SATB1: variants seen among roughly 807,000 people sequenced by gnomAD.
SATB1 encodes the protein SATB homeobox 1.
SATB1 carries 11 observed loss-of-function variants against 86.9 expected under a neutral mutation model. The ratio of observed to expected loss-of-function variants is 0.13; its 90% CI spans 0.08 to 0.21. The LOEUF is 0.21. Ranked by LOEUF, SATB1 falls within the 10% of genes least tolerant of loss-of-function variation. The pLI is 1.00. For synonymous variants in SATB1, 357 were observed against 357.2 expected (o/e 1.00, Z 0.01); for missense variants, 551 against 937.6 (o/e 0.59, Z 5.39).
At position 18,444,020 on chromosome 3, in the gene SATB1, C is replaced by T. The variant is rs770866027; in HGVS notation, c.-25+1498G>A. On this transcript the variant is annotated intron_variant, in intron 1 of 3. Transcript: ENST00000415069. The surrounding 1 kb of genome is among the most constrained non-coding windows in gnomAD (Gnocchi z 5.1). Reference sequence around the variant, plus strand: ...CCCGGGATGCAGAAGTTGCCACAAACTTCCCAGGCCCCTCTTCGCCGATGC... The same window carrying T: ...CCCGGGATGCAGAAGTTGCCACAAATTTCCCAGGCCCCTCTTCGCCGATGC... Among the ~76,000 whole-genome samples the T allele has an allele frequency of 5.3e-5, 8 of 152,308 alleles. No homozygotes were observed. In the East Asian group the frequency reaches 1.5e-3, roughly 30 times the overall value.
In SATB1 at chr3:18,352,371, G is replaced by A. The variant is rs2125129261; in HGVS notation, c.1576-176C>T. ...AGAGAGGTTATCTGTGGCTGTCAAG[G>A]AGGCAGACTCTGTTTCTAATCAAAG... On this transcript the variant is annotated intron_variant, in intron 9 of 10. Transcript: ENST00000338745. This position sits in a 1 kb window ranked among gnomAD's most constrained non-coding sequence, Gnocchi z 4.1. The A allele has an allele frequency of 3.4e-6, 2 of 584,936 alleles. No individual in the cohort carries two copies. Among genetic ancestry groups the A allele is most frequent in the East Asian group, 2.8e-5 (1 of 35,172 alleles). The allele number at this position is 584,936 out of a possible 1,614,324, so 36.2% of individuals were successfully genotyped here.
chr3:18,430,466 G>A (rs965407326), intron 2 of SATB1, among the ~76,000 whole-genome samples: 6 of 152,084 alleles, frequency 3.9e-5, no homozygotes, highest in South Asian at 2.1e-4. Flanking sequence ...GCTGCTTTCC[G>A]TGAACATTTA....
chr3:18,395,464 GTAGT>G (rs1340213691), intron 6 of SATB1, among the ~76,000 whole-genome samples: 2 of 152,282 alleles, frequency 1.3e-5, no homozygotes, highest in East Asian at 3.9e-4. Context: ...GTGAATAGAA[GTAGT>G]TAATGTAATA....
At position 18,362,870 on chromosome 3, in the gene SATB1, A is replaced by ACAAAC. The variant is rs796080070; in HGVS notation, c.1576-10676_1576-10675insGTTTG. On this transcript the variant is annotated intron_variant, in intron 9 of 10. Transcript: ENST00000338745. ...CATATATGCCATGTGCAAAAAAAAA[A>ACAAAC]AAAAAAAAAAACCAAAACCCCAAAT... 4.1e-3 allele frequency among the ~76,000 whole-genome samples: 578 copies of ACAAAC among 140,366 alleles called. 9 individuals are homozygous for ACAAAC. The highest frequency in any genetic ancestry group is 0.016 in the African/African-American group (552 of 34,026). 92.1% of individuals were successfully genotyped at this position (140,366 alleles called of 152,430 possible).
intron 5 of SATB1, among the ~76,000 whole-genome samples, chr3:18,410,440 C>G (rs1215654794): frequency 6.6e-6 from 1 of 152,010 alleles, no homozygotes; most frequent in Non-Finnish European, 1.5e-5. Context: ...GCCATGGACG[C>G]TCACTCATGT....
intron 2 of SATB1, among the ~76,000 whole-genome samples, chr3:18,431,284 CT>C (rs1380291830): frequency 6.6e-6 from 1 of 152,152 alleles, no homozygotes; most frequent in African/African-American, 2.4e-5. Flanking sequence ...TAACGTGCAG[CT>C]TGATTTCCCC....
chr3:18,350,881 T>G (rs1210678853), intron 10 of SATB1: 5 of 246,414 alleles, frequency 2.0e-5, no homozygotes, highest in African/African-American at 9.1e-5. Context: ...ATATAATTTT[T>G]CACAGAAATA....
At chr3:18,401,364 A>G (rs1697256556) in intron 5 of SATB1, among the ~76,000 whole-genome samples, 1 of 152,178 alleles carries the variant, frequency 6.6e-6, no homozygotes, top group Admixed American at 6.5e-5. Flanking sequence ...CATAGTTTCA[A>G]GAACCTTTGT....
chr3:18,377,147 T>G (rs1004632152), intron 9 of SATB1, among the ~76,000 whole-genome samples: 5 of 152,222 alleles, frequency 3.3e-5, no homozygotes, highest in Non-Finnish European at 5.9e-5. Flanking sequence ...AAAAGATTAT[T>G]ATGTTACAAA....
chr3:18,431,833 C>G (rs1477380998), intron 2 of SATB1, among the ~76,000 whole-genome samples: 1 of 152,160 alleles, frequency 6.6e-6, no homozygotes, highest in East Asian at 1.9e-4. Flanking sequence ...GCTACTGGAT[C>G]ATTGATTTGG....
chr3:18,391,041 A>G (rs1696636048), intron 7 of SATB1, among the ~76,000 whole-genome samples: 1 of 152,194 alleles, frequency 6.6e-6, no homozygotes, highest in Non-Finnish European at 1.5e-5. Context: ...ACCCATGCCC[A>G]TCAATTCAGA....
intron 8 of SATB1, among the ~76,000 whole-genome samples, chr3:18,384,863 C>G (rs12633143): frequency 1.3e-5 from 2 of 151,970 alleles, no homozygotes; most frequent in African/African-American, 4.8e-5. Flanking sequence ...TGTGTACATA[C>G]GTATATAGAT....
In SATB1 at chr3:18,345,514, AG is replaced by A. The variant is rs1694008373; in HGVS notation, c.*3655del. 6.6e-6 allele frequency: 1 copy of A among 152,152 alleles called. No homozygotes were observed. Among genetic ancestry groups the A allele is most frequent in the Non-Finnish European group, 1.5e-5 (1 of 67,982 alleles). The allele number at this position is 152,152 out of a possible 1,614,324, so 9.4% of individuals were successfully genotyped here. ...TTTTATCAAAAATGTGCATATTAAT[AG>A]ATTGTAGTTTAGCCTTTGTCAAAAG... On this transcript the variant is annotated 3_prime_UTR_variant, in exon 11 of 11. Transcript: ENST00000338745.
intron 2 of SATB1, 77 bp from the exon 3 acceptor site, chr3:18,417,155 T>C: frequency 7.0e-7 from 1 of 1,420,514 alleles, no homozygotes; most frequent in Admixed American, 1.9e-5. Flanking sequence ...CGGGAGGAAA[T>C]ATTAGCCATG....
intron 9 of SATB1, among the ~76,000 whole-genome samples, chr3:18,356,184 A>C (rs1232908681): frequency 6.6e-6 from 1 of 151,868 alleles, no homozygotes; most frequent in Non-Finnish European, 1.5e-5. Context: ...TACAACACAA[A>C]TCCTGCAAAG....
chr3:18,365,292 C>T (rs1695130706), intron 9 of SATB1, among the ~76,000 whole-genome samples: 1 of 152,130 alleles, frequency 6.6e-6, no homozygotes, highest in Non-Finnish European at 1.5e-5. Flanking sequence ...ATAAGATTAG[C>T]AGAGTATCCT....
chr3:18,367,503 A>G (rs1228442186), intron 9 of SATB1, among the ~76,000 whole-genome samples: 1 of 152,190 alleles, frequency 6.6e-6, no homozygotes, highest in East Asian at 1.9e-4. Context: ...AGTTTGTAAC[A>G]CTTCTATTGA....
At chr3:18,436,477 TGAGGATAGAACA>T (rs939179026) in intron 2 of SATB1, among the ~76,000 whole-genome samples, 20 of 129,440 alleles carry the variant, frequency 1.5e-4, no homozygotes, top group African/African-American at 3.0e-5. Context: ...GGTCAGACAA[TGAGGATAGAACA>T]GAGACCCAGG....
Position 18,386,826 on chromosome 3 carries a change from C to G in SATB1, c.1207-215G>C, listed in dbSNP as rs1696369847. On this transcript the variant is annotated intron_variant, in intron 7 of 10. Coordinates refer to ENST00000338745, the MANE Select transcript of SATB1 (RefSeq NM_002971.6). This position sits in a 1 kb window ranked among gnomAD's most constrained non-coding sequence, Gnocchi z 4.5. ...GCATCTGCTTTACATATAACATAAACTGAAACTGCCTAATTGGTCTCCTTC... is the reference window on the plus strand; with the variant it reads ...GCATCTGCTTTACATATAACATAAAGTGAAACTGCCTAATTGGTCTCCTTC... Among the ~76,000 whole-genome samples the G allele has an allele frequency of 6.6e-6, 1 of 152,188 alleles. No homozygotes were observed. The highest frequency in any genetic ancestry group is 2.1e-4 in the South Asian group (1 of 4,826).
Sources: gnomAD v4.1 joint callset for allele counts (sites outside exome capture counted in the v4.1 genomes callset) on GRCh38, gnomAD v4.1.1 for gene constraint, Gnocchi (gnomAD v3.1) non-coding constraint, MANE v1.5 for transcripts, NCBI Gene and HGNC (gene_info 2026-07-23, HGNC 2026-07-21) for gene names.